SLC20A2: variants seen among roughly 807,000 people sequenced by gnomAD.
SLC20A2 encodes the protein solute carrier family 20 member 2, also known as sodium-dependent phosphate transporter 2.
Under a neutral mutation model 61.0 loss-of-function variants are expected in SLC20A2, and 30 were observed. The observed-to-expected ratio is 0.49, with a 90% CI of 0.37 to 0.67. SLC20A2 has a LOEUF of 0.67. Ranked by LOEUF, SLC20A2 falls within the 30% of genes least tolerant of loss-of-function variation. The pLI, the probability that SLC20A2 is intolerant of heterozygous loss-of-function variation, is 0.00. For synonymous variants in SLC20A2, 351 were observed against 353.3 expected, an observed-to-expected ratio of 0.99 and a Z score of 0.07; for missense variants, 626 against 866.4, an observed-to-expected ratio of 0.72 and a Z score of 3.48.
rs757370573 is a variant in SLC20A2 at position 42,437,353 on chromosome 8, T to C, written c.1159A>G (p.Thr387Ala). ...YRLLRRNNSY[T>A]CYTAAICGLP... ...CCACAAATGGCTGCGGTGTAGCAGGTGTAACTGTTGTTTCGGCGCAGCAGC... is the reference window on the plus strand; with the variant it reads ...CCACAAATGGCTGCGGTGTAGCAGGCGTAACTGTTGTTTCGGCGCAGCAGC... Residue 387 changes from threonine (T) to alanine (A), a missense_variant, in exon 8 of 11, where the codon ACC (threonine) becomes GCC (alanine). Thr to Ala is a moderately conservative substitution (Grantham distance 58, BLOSUM62 0). Coordinates refer to ENST00000520262, the MANE Select transcript of SLC20A2 (RefSeq NM_001257180.2). This position sits in a 1 kb window ranked among gnomAD's most constrained non-coding sequence, Gnocchi z 6.4. 1.2e-6 allele frequency: 2 copies of C among 1,614,068 alleles called. No individual in the cohort carries two copies. The highest frequency in any genetic ancestry group is 1.7e-6 in the Non-Finnish European group (2 of 1,180,014).
Position 42,437,625 on chromosome 8 carries a change from T to C in SLC20A2, c.935-48A>G, listed in dbSNP as rs78608637. 7.0e-7 allele frequency: 1 copy of C among 1,424,648 alleles called. No individual in the cohort carries two copies. Among genetic ancestry groups the C allele is most frequent in the Non-Finnish European group, 9.4e-7 (1 of 1,063,632 alleles). 88.3% of individuals were successfully genotyped at this position (1,424,648 alleles called of 1,614,324 possible). The stretch of plus-strand genomic sequence containing the variant: ...TCATTTTCCAGTCTTTTTTTTTTTT[T>C]TCTTTTCTTTTTGAGACGGAGCCTT... On this transcript the variant is annotated intron_variant, in intron 7 of 10. Coordinates refer to ENST00000520262, the MANE Select transcript of SLC20A2 (RefSeq NM_001257180.2). This position sits in a 1 kb window ranked among gnomAD's most constrained non-coding sequence, Gnocchi z 6.4.
intron 2 of SLC20A2, chr8:42,470,973 C>CAAAAA (rs200440771): frequency 1.2e-5 from 3 of 240,238 alleles, no homozygotes; most frequent in East Asian, 1.0e-4. Flanking sequence ...GACTCTGTCT[C>CAAAAA]AAAAAAAAAA....
intron 10 of SLC20A2, among the ~76,000 whole-genome samples, chr8:42,420,123 T>C (rs1426166019): frequency 6.6e-6 from 1 of 151,732 alleles, no homozygotes; most frequent in Non-Finnish European, 1.5e-5. Flanking sequence ...GAGGTGGAGG[T>C]TGCAGTGAGC....
intron 1 of SLC20A2, chr8:42,484,681 G>T: frequency 2.6e-6 from 1 of 377,482 alleles, no homozygotes; most frequent in Non-Finnish European, 5.2e-6. Context: ...CAGATCCAAT[G>T]TGCAGTCTGA....
chr8:42,474,901 C>T (rs555129425), intron 1 of SLC20A2, among the ~76,000 whole-genome samples: 5 of 132,628 alleles, frequency 3.8e-5, no homozygotes, highest in South Asian at 5.2e-4. Flanking sequence ...AGACCTCAGA[C>T]GGCCAGAGTC....
chr8:42,535,764 A>G (rs577368386), intron 1 of SLC20A2, among the ~76,000 whole-genome samples: 311 of 152,332 alleles, frequency 2.0e-3, no homozygotes, highest in Middle Eastern at 3.4e-3. Context: ...GAATCACTTA[A>G]GGATGGTTTA....
chr8:42,523,483 C>T (rs924187161), intron 1 of SLC20A2, among the ~76,000 whole-genome samples: 10 of 152,124 alleles, frequency 6.6e-5, no homozygotes, highest in Non-Finnish European at 1.5e-4. Context: ...GTTTTTGAGA[C>T]AGGGCTAGTA....
intron 10 of SLC20A2, among the ~76,000 whole-genome samples, chr8:42,422,148 G>A (rs1803088642): frequency 6.6e-6 from 1 of 152,168 alleles, no homozygotes; most frequent in Non-Finnish European, 1.5e-5. Flanking sequence ...CACCTCCTGG[G>A]TTCAAGCGAT....
At chr8:42,439,835 C>T (rs538136578) in intron 6 of SLC20A2, among the ~76,000 whole-genome samples, 182 bp from the exon 7 acceptor site, 1 of 151,876 alleles carries the variant, frequency 6.6e-6, no homozygotes, top group Non-Finnish European at 1.5e-5. Flanking sequence ...ACCTGTAATC[C>T]CAGCACTTTG....
chr8:42,465,616 G>A (rs1328668236), intron 3 of SLC20A2, among the ~76,000 whole-genome samples, 161 bp downstream of exon 3: 4 of 151,494 alleles, frequency 2.6e-5, no homozygotes, highest in South Asian at 2.1e-4. Flanking sequence ...GCTTGAACCC[G>A]GGAGGTGGAG....
Position 42,463,068 on chromosome 8 carries a change from T to C in SLC20A2, c.453A>G (p.Pro151=). ...VKIVASWFIS[P]LLSGFMSGLL... ...GGCCAGACATGAAACCAGACAACAG[T>C]GGAGATATAAACCAAGAAGCAACTG... The change falls in exon 4 of 11, where the codon CCA becomes CCG. Residue 151 remains proline, a synonymous_variant. Coordinates refer to ENST00000520262, the MANE Select transcript of SLC20A2 (RefSeq NM_001257180.2). 6.3e-7 allele frequency: 1 copy of C among 1,597,576 alleles called. No individual in the cohort carries two copies. The highest frequency in any genetic ancestry group is 1.7e-4 in the Middle Eastern group (1 of 5,984).
intron 3 of SLC20A2, among the ~76,000 whole-genome samples, chr8:42,464,092 C>CTGTTTTTTTTTTTTTTT (rs1806932691): frequency 4.9e-5 from 1 of 20,540 alleles, no homozygotes; most frequent in African/African-American, 1.3e-4. Context: ...GCTGGATGAT[C>CTGTTTTTTTTTTTTTTT]TTTTTTTTTT....
intron 1 of SLC20A2, among the ~76,000 whole-genome samples, chr8:42,523,371 T>C (rs1811719521): frequency 6.6e-6 from 1 of 152,052 alleles, no homozygotes; most frequent in Non-Finnish European, 1.5e-5. Context: ...AATAAATAAA[T>C]TGCATATTTT....
intron 1 of SLC20A2, among the ~76,000 whole-genome samples, chr8:42,497,541 C>A (rs1810016276): frequency 6.6e-6 from 1 of 152,084 alleles, no homozygotes; most frequent in East Asian, 1.9e-4. Flanking sequence ...GGACCTGACC[C>A]TTTTATTCTA....
At chr8:42,441,451 C>T (rs1804776835) in intron 6 of SLC20A2, among the ~76,000 whole-genome samples, 1 of 148,666 alleles carries the variant, frequency 6.7e-6, no homozygotes, top group Non-Finnish European at 1.5e-5. Flanking sequence ...CGTGCCTGGG[C>T]TATTTTGTTC....
intron 1 of SLC20A2, among the ~76,000 whole-genome samples, chr8:42,474,155 A>G (rs1278123769): frequency 6.6e-6 from 1 of 152,178 alleles, no homozygotes; most frequent in Non-Finnish European, 1.5e-5. Flanking sequence ...TGGGCGACAC[A>G]GCGAGACTCC....
rs1802697505 is a variant in SLC20A2, at chr8:42,416,826, G to A, written c.*977C>T. The A allele has an allele frequency of 1.3e-5, 2 of 152,766 alleles. No individual in the cohort carries two copies. Among genetic ancestry groups the A allele is most frequent in the Admixed American group, 6.5e-5 (1 of 15,284 alleles). 9.5% of individuals were successfully genotyped at this position (152,766 alleles called of 1,614,324 possible). A position where few individuals can be genotyped will look rare whatever the true frequency, so the allele number is the denominator to read the frequency against. Reference sequence around the variant, plus strand: ...GGATCCGTTCTTCAGGCTGCAGGGAGAATTGGGATAGAAACTGACTCTGGA... The same window carrying A: ...GGATCCGTTCTTCAGGCTGCAGGGAAAATTGGGATAGAAACTGACTCTGGA... On this transcript the variant is annotated 3_prime_UTR_variant, in exon 11 of 11. Transcript: ENST00000520262.
At chr8:42,505,243 G>A (rs998929229), upstream of SLC20A2, among the ~76,000 whole-genome samples, 3 of 151,938 alleles carry the variant, frequency 2.0e-5, no homozygotes, top group African/African-American at 7.3e-5. Context: ...CAAGTAGCTG[G>A]GACTATAGGT....
chr8:42,462,931 C>G, intron 4 of SLC20A2, 74 bp downstream of exon 4: 2 of 810,544 alleles, frequency 2.5e-6, no homozygotes, highest in Non-Finnish European at 4.0e-6. Flanking sequence ...TCTAACCCCT[C>G]TCATTATTAA....
Sources: gnomAD v4.1 joint callset for allele counts (sites outside exome capture counted in the v4.1 genomes callset) on GRCh38, gnomAD v4.1.1 for gene constraint, Gnocchi (gnomAD v3.1) non-coding constraint, MANE v1.5 for transcripts, NCBI Gene and HGNC (gene_info 2026-07-23, HGNC 2026-07-21) for gene names.